The following ADAMTSL1 variants were observed in gnomAD, a reference collection of about 807,000 sequenced individuals.
ADAMTSL1 encodes the protein ADAMTS like 1.
Under a neutral mutation model 201.8 loss-of-function variants are expected in ADAMTSL1, and 126 were observed. That is an observed-to-expected ratio of 0.62 (90% CI 0.54 to 0.72). ADAMTSL1 has a LOEUF of 0.72. ADAMTSL1 is among the 30% of genes least tolerant of loss of function. ADAMTSL1 has a pLI of 0.00. For synonymous variants in ADAMTSL1, 1,121 were observed against 903.4 expected (o/e 1.24, Z -4.32); for missense variants, 2,679 against 2,277.8 (o/e 1.18, Z -3.59).
intron 1 of ADAMTSL1, among the ~76,000 whole-genome samples, chr9:18,103,763 A>G (rs538023231): frequency 1.5e-4 from 23 of 152,306 alleles, no homozygotes; most frequent in South Asian, 8.3e-4. Context: ...ATGGAATTCT[A>G]TTCAAGAACT....
chr9:18,231,979 C>A (rs1051764020), intron 2 of ADAMTSL1, among the ~76,000 whole-genome samples: 1 of 152,202 alleles, frequency 6.6e-6, no homozygotes, highest in African/African-American at 2.4e-5. Flanking sequence ...TCACCTTGCT[C>A]CTAAAGCTTG....
In ADAMTSL1 at chr9:18,594,462, T is replaced by C. The variant is rs1302549632; in HGVS notation, c.474+20196T>C. ...CCCTCTTTAACACCAGTAACTCAAA[T>C]ATTTGCTTTTTGATGTCCTGTAGAT... is the stretch of plus-strand genomic sequence containing the variant. On this transcript the variant is annotated intron_variant, in intron 4 of 28. Transcript: ENST00000380548. 2.6e-5 allele frequency among the ~76,000 whole-genome samples: 4 copies of C among 152,168 alleles called. No homozygotes were observed. The East Asian group carries it at 7.7e-4, about 29-fold the overall frequency.
chr9:18,336,969 G>A (rs1456887012), intron 2 of ADAMTSL1, among the ~76,000 whole-genome samples: 4 of 152,088 alleles, frequency 2.6e-5, no homozygotes, highest in Admixed American at 1.3e-4. Flanking sequence ...GTTGTCTTTT[G>A]AATTAATGCA....
chr9:17,908,377 T>A (rs1214509427), intron 1 of ADAMTSL1, among the ~76,000 whole-genome samples: 2 of 152,028 alleles, frequency 1.3e-5, no homozygotes, highest in South Asian at 2.1e-4. Flanking sequence ...GGCTGGGACA[T>A]CAGAAATTCT....
chr9:18,898,916 C>T (rs949486362), intron 26 of ADAMTSL1, among the ~76,000 whole-genome samples: 1 of 152,186 alleles, frequency 6.6e-6, no homozygotes, highest in Non-Finnish European at 1.5e-5. Context: ...TCTCTCACCA[C>T]TCCTAGGCAA....
intron 2 of ADAMTSL1, among the ~76,000 whole-genome samples, chr9:18,459,938 G>C (rs981324320): frequency 6.6e-6 from 1 of 152,136 alleles, no homozygotes; most frequent in Non-Finnish European, 1.5e-5. Flanking sequence ...CTGCAGGGGT[G>C]GATGATATCC....
intron 2 of ADAMTSL1, among the ~76,000 whole-genome samples, chr9:18,277,322 C>T (rs1183368841): frequency 1.3e-5 from 2 of 152,070 alleles, no homozygotes; most frequent in Non-Finnish European, 2.9e-5. Flanking sequence ...ATGATCTATC[C>T]ATTATTTAAC....
intron 13 of ADAMTSL1, among the ~76,000 whole-genome samples, chr9:18,698,480 T>C (rs2133286822): frequency 6.6e-6 from 1 of 152,186 alleles, no homozygotes; most frequent in East Asian, 1.9e-4. Context: ...GAGATGAGGT[T>C]TCACCATGTT....
intron 2 of ADAMTSL1, among the ~76,000 whole-genome samples, chr9:18,211,339 T>G (rs1410569488): frequency 6.6e-6 from 1 of 152,184 alleles, no homozygotes; most frequent in South Asian, 2.1e-4. Context: ...TTTTCCCTAT[T>G]CCATTTCATT....
chr9:18,817,902 G>C (rs754141959), intron 21 of ADAMTSL1, among the ~76,000 whole-genome samples: 1 of 152,184 alleles, frequency 6.6e-6, no homozygotes, highest in African/African-American at 2.4e-5. Flanking sequence ...GGAGTTATTA[G>C]AGAAGATAGC....
intron 20 of ADAMTSL1, among the ~76,000 whole-genome samples, chr9:18,805,039 T>A (rs890864959): frequency 6.6e-6 from 1 of 152,266 alleles, no homozygotes; most frequent in Non-Finnish European, 1.5e-5. Flanking sequence ...CTGTCTTTTT[T>A]GTGTTTTAAA....
At position 18,507,865 on chromosome 9, in the gene ADAMTSL1, A is replaced by T. The variant is rs143247268; in HGVS notation, c.191+2909A>T. Among the ~76,000 whole-genome samples, 437 of 152,284 alleles carry T rather than the reference A, an allele frequency of 2.9e-3. 1 individual carries two copies. The highest frequency in any genetic ancestry group is 4.8e-3 in the Admixed American group (74 of 15,298). On this transcript the variant is annotated intron_variant, in intron 2 of 28. Transcript: ENST00000380548. ...GACCCATTTACCCAGGGGAGACCTT[A>T]TCCTAAGTGTCACTGGTCCTCAATC...
At chr9:18,376,065 C>T (rs914706691) in intron 2 of ADAMTSL1, among the ~76,000 whole-genome samples, 1 of 152,214 alleles carries the variant, frequency 6.6e-6, no homozygotes, top group Non-Finnish European at 1.5e-5. Flanking sequence ...AGTCCCCACC[C>T]GACCCAGAAG....
chr9:18,179,899 A>C (rs199689714), intron 2 of ADAMTSL1, among the ~76,000 whole-genome samples: 11 of 152,238 alleles, frequency 7.2e-5, no homozygotes, highest in South Asian at 2.1e-4. Context: ...AAGGAACAAC[A>C]AGTACCAGCC....
At chr9:18,345,505 A>T (rs1246224530) in intron 2 of ADAMTSL1, among the ~76,000 whole-genome samples, 6 of 152,184 alleles carry the variant, frequency 3.9e-5, no homozygotes, top group Non-Finnish European at 8.8e-5. Context: ...CTAGGATTTG[A>T]CATTTTCAGT....
chr9:18,483,987 T>C (rs1821861367), intron 1 of ADAMTSL1, among the ~76,000 whole-genome samples: 1 of 152,218 alleles, frequency 6.6e-6, no homozygotes, highest in Admixed American at 6.5e-5. Context: ...TGTTTCCCTA[T>C]TAATGAAAAA....
intron 1 of ADAMTSL1, among the ~76,000 whole-genome samples, chr9:18,103,503 A>C (rs558892506): frequency 2.3e-4 from 35 of 152,196 alleles, no homozygotes; most frequent in Non-Finnish European, 4.0e-4. Flanking sequence ...TTAGGCCAGC[A>C]CTATGAATTT....
chr9:17,988,759 G>A (rs1819026497), intron 1 of ADAMTSL1, among the ~76,000 whole-genome samples: 1 of 151,764 alleles, frequency 6.6e-6, no homozygotes. Flanking sequence ...TTTTTCAGAG[G>A]AAGACAATAT....
chr9:18,846,341 T>G (rs539087416), intron 23 of ADAMTSL1, among the ~76,000 whole-genome samples: 1 of 152,204 alleles, frequency 6.6e-6, no homozygotes, highest in South Asian at 2.1e-4. Context: ...GAGAAACCAA[T>G]GTTTGAGCAA....
Sources: gnomAD v4.1 joint callset for allele counts (sites outside exome capture counted in the v4.1 genomes callset) on GRCh38, gnomAD v4.1.1 for gene constraint, MANE v1.5 for transcripts, NCBI Gene and HGNC (gene_info 2026-07-23, HGNC 2026-07-21) for gene names.